Variants in SDR42E1 observed in about 807,000 individuals in gnomAD.
The protein encoded by SDR42E1 is short-chain dehydrogenase/reductase family 42E member 1.
In SDR42E1, 5 loss-of-function variants were observed where a neutral mutation model predicts 2.6. The observed-to-expected ratio is 1.94, with a 90% CI of 1.01 to 4.08. SDR42E1 has a LOEUF of 4.08. SDR42E1 is among the 30% of genes most tolerant of loss of function. The pLI is 0.00. For missense variants in SDR42E1, 596 were observed against 478.6 expected (o/e 1.25, Z -2.29); for synonymous variants, 231 against 188.3 (o/e 1.23, Z -1.86).
chr16:81,999,640 C>T lies in SDR42E1; in HGVS notation c.653G>A (p.Ser218Asn). 1 of 1,614,196 alleles carries T rather than the reference C, an allele frequency of 6.2e-7. No homozygotes were observed. The highest frequency in any genetic ancestry group is 8.5e-7 in the Non-Finnish European group (1 of 1,180,034). ...ATCCACGTGGACAAACTCAACCAGGCTCCTGGGGTCCCCGTAGACAAACTT... is the reference window on the plus strand; with the variant it reads ...ATCCACGTGGACAAACTCAACCAGGTTCCTGGGGTCCCCGTAGACAAACTT... The part of the protein sequence containing the change: ...LFKFVYGDPR[S>N]LVEFVHVDNL... Residue 218 changes from serine (S) to asparagine (N), a missense_variant, in exon 3 of 3, where the codon AGC becomes AAC. By Grantham distance (46) the Ser-to-Asn change is conservative (BLOSUM62 1). Coordinates refer to ENST00000328945, the MANE Select transcript of SDR42E1 (RefSeq NM_145168.3).
intron 1 of SDR42E1, among the ~76,000 whole-genome samples, chr16:82,002,066 C>G (rs965594378): frequency 1.3e-5 from 2 of 151,980 alleles, no homozygotes; most frequent in Non-Finnish European, 2.9e-5. Flanking sequence ...ATCAAGAGCC[C>G]TACCATTTCT....
At chr16:82,008,030 G>C (rs1258234047) in intron 1 of SDR42E1, among the ~76,000 whole-genome samples, 1 of 152,162 alleles carries the variant, frequency 6.6e-6, no homozygotes, top group African/African-American at 2.4e-5. Context: ...TTGAATCATG[G>C]GGGCGGGTCT....
chr16:82,002,119 A>C (rs1912788420), intron 1 of SDR42E1, among the ~76,000 whole-genome samples: 1 of 152,112 alleles, frequency 6.6e-6, no homozygotes, highest in African/African-American at 2.4e-5. Context: ...CTGCACCACA[A>C]AAGTAGACTT....
chr16:81,999,129 A>C lies in SDR42E1; in HGVS notation c.1164T>G (p.Ser388=). ...IIAVLMWLPS[S]VILSL is the part of the protein sequence containing the mutation. ...CCCTCCTTCACAGTGACAGAATCAC[A>C]GAAGAAGGCAGCCACATGAGAACTG... The change falls in exon 3 of 3, where the codon TCT becomes TCG. Residue 388 remains serine (S), a synonymous_variant. Transcript: ENST00000328945. 6.2e-7 allele frequency: 1 copy of C among 1,601,686 alleles called. No individual in the cohort carries two copies. The highest frequency in any genetic ancestry group is 8.5e-7 in the Non-Finnish European group (1 of 1,169,842).
rs573821402 is a variant in SDR42E1 at position 81,998,604 on chromosome 16, G to A, written c.*507C>T. On this transcript the variant is annotated 3_prime_UTR_variant, in exon 3 of 3. Coordinates refer to ENST00000328945, the MANE Select transcript of SDR42E1 (RefSeq NM_145168.3). ...AAGGGCAAAAGTTAACACCTAAAAC[G>A]TACCCTGTGAATAGCTAATGCCTCT... is the stretch of plus-strand genomic sequence containing the variant. The A allele has an allele frequency of 2.5e-4, 39 of 158,612 alleles. No individual in the cohort carries two copies. In the South Asian group the frequency reaches 5.4e-3, roughly 22 times the overall value. 9.8% of individuals were successfully genotyped at this position (158,612 alleles called of 1,614,324 possible). A position where few individuals can be genotyped will look rare whatever the true frequency, so the allele number is the denominator to read the frequency against.
chr16:82,005,419 C>G (rs1454205636), intron 1 of SDR42E1, among the ~76,000 whole-genome samples: 1 of 152,198 alleles, frequency 6.6e-6, no homozygotes, highest in Non-Finnish European at 1.5e-5. Flanking sequence ...CCAGTAAAGC[C>G]TTCACAGGAT....
At chr16:82,003,589 A>G (rs1912840302) in intron 1 of SDR42E1, among the ~76,000 whole-genome samples, 1 of 152,200 alleles carries the variant, frequency 6.6e-6, no homozygotes, top group Non-Finnish European at 1.5e-5. Flanking sequence ...TCAGTGTGAC[A>G]CATCGTATAC....
At chr16:82,000,287 A>G in intron 2 of SDR42E1, 63 bp from the exon 3 acceptor site, 1 of 1,588,814 alleles carries the variant, frequency 6.3e-7, no homozygotes, top group Non-Finnish European at 8.5e-7. Flanking sequence ...GGGGAAGTGT[A>G]TAAAGTAATT....
intron 1 of SDR42E1, among the ~76,000 whole-genome samples, chr16:82,006,006 A>C (rs1597180474): frequency 1.3e-5 from 2 of 152,340 alleles, no homozygotes. Flanking sequence ...GACCTAATTA[A>C]ATGCTAAAGA....
At position 81,990,795 on chromosome 16, in the gene SDR42E1, T is replaced by A. The variant is rs1242827432; in HGVS notation, c.*8316A>T. 1 of 152,156 alleles carries A rather than the reference T, an allele frequency of 6.6e-6. No homozygotes were observed. Among genetic ancestry groups the A allele is most frequent in the Non-Finnish European group, 1.5e-5 (1 of 68,042 alleles). 9.4% of individuals were successfully genotyped at this position (152,156 alleles called of 1,614,324 possible). A position where few individuals can be genotyped will look rare whatever the true frequency, so the allele number is the denominator to read the frequency against. ...CTATAATCACCCACTACCAAATATTTCTTTTCCACTTGGGCCCAAACTTAA... is the reference window on the plus strand; with the variant it reads ...CTATAATCACCCACTACCAAATATTACTTTTCCACTTGGGCCCAAACTTAA... On this transcript the variant is annotated 3_prime_UTR_variant, in exon 3 of 3. Coordinates refer to ENST00000328945, the MANE Select transcript of SDR42E1 (RefSeq NM_145168.3).
intron 2 of SDR42E1, 85 bp downstream of exon 2, chr16:82,000,706 A>G: frequency 1.0e-6 from 1 of 994,974 alleles, no homozygotes; most frequent in Non-Finnish European, 1.6e-6. Flanking sequence ...CAAACAAGTA[A>G]AAGTCTGCTC....
At chr16:82,005,893 T>C (rs1336519905) in intron 1 of SDR42E1, among the ~76,000 whole-genome samples, 2 of 152,208 alleles carry the variant, frequency 1.3e-5, no homozygotes, top group East Asian at 1.9e-4. Context: ...ACCTGACCTC[T>C]TGAGAATACT....
At chr16:82,004,696 C>A (rs997002476) in intron 1 of SDR42E1, among the ~76,000 whole-genome samples, 32 of 152,306 alleles carry the variant, frequency 2.1e-4, no homozygotes, top group African/African-American at 7.5e-4. Flanking sequence ...ACAACACAAG[C>A]CTTTGTAGGT....
At position 81,990,757 on chromosome 16, in the gene SDR42E1, G is replaced by C. The variant is rs951125272; in HGVS notation, c.*8354C>G. On this transcript the variant is annotated 3_prime_UTR_variant, in exon 3 of 3. Transcript: ENST00000328945. ...GTGCAAGCAAATGCATGAGTCCCTT[G>C]AGCACTGAAGGGCTATAATCACCCA... 2.6e-5 allele frequency: 4 copies of C among 152,200 alleles called. No homozygotes were observed. Among genetic ancestry groups the C allele is most frequent in the African/African-American group, 9.7e-5 (4 of 41,446 alleles). 9.4% of individuals were successfully genotyped at this position (152,200 alleles called of 1,614,324 possible).
chr16:81,996,795 G>C lies in SDR42E1; in HGVS notation c.*2316C>G, dbSNP rs1485471904. ...ATTGGGGAGATATGGAAGCAGGAAT[G>C]TGGTAGCCAGGTTCCACGTTGGCCT... On this transcript the variant is annotated 3_prime_UTR_variant, in exon 3 of 3. Coordinates refer to ENST00000328945, the MANE Select transcript of SDR42E1 (RefSeq NM_145168.3). 1 of 152,214 alleles carries C rather than the reference G, an allele frequency of 6.6e-6. No homozygotes were observed. The highest frequency in any genetic ancestry group is 6.5e-5 in the Admixed American group (1 of 15,282). 9.4% of individuals were successfully genotyped at this position (152,214 alleles called of 1,614,324 possible).
At position 82,010,449 on chromosome 16, in the gene SDR42E1, A is replaced by G. The variant is rs141588252; in HGVS notation, c.-27+938T>C. On this transcript the variant is annotated intron_variant, in intron 1 of 2. Coordinates refer to ENST00000328945, the MANE Select transcript of SDR42E1 (RefSeq NM_145168.3). ...TCATTATCTTATCACTGTGAAAGGA[A>G]AATAAATCTTGGGGTCCCAAGATCA... Among the ~76,000 whole-genome samples the G allele has an allele frequency of 4.6e-5, 7 of 152,310 alleles. No individual in the cohort carries two copies. In the East Asian group the frequency reaches 1.2e-3, roughly 25 times the overall value.
chr16:82,003,076 G>T lies in SDR42E1; in HGVS notation c.-26-2192C>A, dbSNP rs1011924036. On this transcript the variant is annotated intron_variant, in intron 1 of 2. Transcript: ENST00000328945. ...TCACTTATGCAGAGTCAGTCAGTGT[G>T]ACAAGTGAAGACAAGGTTCAGCAAG... Among the ~76,000 whole-genome samples the T allele has an allele frequency of 1.3e-5, 2 of 152,170 alleles. 1 individual carries two copies. Among genetic ancestry groups the T allele is most frequent in the South Asian group, 4.2e-4 (2 of 4,818 alleles).
chr16:82,000,900 T>G lies in SDR42E1; in HGVS notation c.-26-16A>C, dbSNP rs781455453. On this transcript the variant is annotated splice_polypyrimidine_tract_variant and intron_variant, in intron 1 of 2. Coordinates refer to ENST00000328945, the MANE Select transcript of SDR42E1 (RefSeq NM_145168.3). ...ATAACTGGACCTGAAGAAAGAAGTATGCATCACTGTTACTGATCCAAATGC... is the reference window on the plus strand; with the variant it reads ...ATAACTGGACCTGAAGAAAGAAGTAGGCATCACTGTTACTGATCCAAATGC... 1 of 1,531,388 alleles carries G rather than the reference T, an allele frequency of 6.5e-7. No individual in the cohort carries two copies. Among genetic ancestry groups the G allele is most frequent in the African/African-American group, 1.4e-5 (1 of 71,766 alleles). 94.9% of individuals were successfully genotyped at this position (1,531,388 alleles called of 1,614,324 possible). A position where few individuals can be genotyped will look rare whatever the true frequency, so the allele number is the denominator to read the frequency against.
chr16:82,009,421 G>A (rs961026463), intron 1 of SDR42E1, among the ~76,000 whole-genome samples: 2 of 152,266 alleles, frequency 1.3e-5, no homozygotes, highest in South Asian at 2.1e-4. Context: ...GGGTGGAGCT[G>A]CCCAAGACTA....
Sources: allele counts gnomAD v4.1 joint callset (sites outside exome capture counted in the v4.1 genomes callset), GRCh38; gene constraint gnomAD v4.1.1; transcripts MANE v1.5; gene names NCBI Gene and HGNC (gene_info 2026-07-23, HGNC 2026-07-21).